CHRNA7: variants seen among roughly 807,000 people sequenced by gnomAD.
CHRNA7 encodes neuronal acetylcholine receptor subunit alpha-7.
Under a neutral mutation model 48.0 loss-of-function variants are expected in CHRNA7, and 17 were observed. That is an observed-to-expected ratio of 0.35 (90% CI 0.24 to 0.53). The LOEUF is 0.53. Among genes scored for constraint, CHRNA7 ranks in the 20% least tolerant of loss-of-function variants. CHRNA7 has a pLI of 0.92. For missense variants in CHRNA7, 155 were observed against 577.7 expected, an observed-to-expected ratio of 0.27 and a Z score of 7.50; for synonymous variants, 75 against 242.3, an observed-to-expected ratio of 0.31 and a Z score of 6.41.
At chr15:32,130,493 T>C (rs978853928) in intron 4 of CHRNA7, among the ~76,000 whole-genome samples, 1 of 151,194 alleles carries the variant, frequency 6.6e-6, no homozygotes, top group African/African-American at 2.4e-5. Flanking sequence ...TAGTTACTCT[T>C]GTGTTTTTTG....
At chr15:32,085,842 T>G (rs545266873) in intron 2 of CHRNA7, among the ~76,000 whole-genome samples, 2 of 152,344 alleles carry the variant, frequency 1.3e-5, no homozygotes, top group South Asian at 4.1e-4. Flanking sequence ...ATAATTACTT[T>G]CCATAATTTG....
chr15:32,150,176 T>A (rs1455842890), intron 4 of CHRNA7, among the ~76,000 whole-genome samples: 1 of 152,152 alleles, frequency 6.6e-6, no homozygotes, highest in Non-Finnish European at 1.5e-5. Context: ...CTCAGCCTCC[T>A]GAGTAGCTGG....
chr15:32,129,923 T>G (rs186836831), intron 4 of CHRNA7, among the ~76,000 whole-genome samples: 18 of 152,102 alleles, frequency 1.2e-4, no homozygotes, highest in Non-Finnish European at 2.2e-4. Flanking sequence ...GTTCAGTGTA[T>G]TTTTTTCCAT....
At chr15:32,044,576 T>C (rs1311467097) in intron 2 of CHRNA7, among the ~76,000 whole-genome samples, 1 of 152,178 alleles carries the variant, frequency 6.6e-6, no homozygotes, top group Non-Finnish European at 1.5e-5. Flanking sequence ...GTGCCCGGCC[T>C]AGATATTTCT....
chr15:32,039,858 A>G (rs138332661), intron 2 of CHRNA7, among the ~76,000 whole-genome samples: 5 of 152,220 alleles, frequency 3.3e-5, no homozygotes, highest in African/African-American at 1.2e-4. Flanking sequence ...AAAGTTTCCA[A>G]CTGTGAAAAT....
chr15:32,061,895 A>G (rs967829571), intron 2 of CHRNA7, among the ~76,000 whole-genome samples: 2 of 152,230 alleles, frequency 1.3e-5, no homozygotes, highest in Non-Finnish European at 2.9e-5. Flanking sequence ...TGAGCTTGGG[A>G]AAGCTACCAC....
At chr15:32,077,034 G>T (rs2050145876) in intron 2 of CHRNA7, among the ~76,000 whole-genome samples, 1 of 152,056 alleles carries the variant, frequency 6.6e-6, no homozygotes, top group South Asian at 2.1e-4. Context: ...TGGTCCCACA[G>T]TTGGGAGCAT....
chr15:32,129,059 G>C (rs1248949794), intron 4 of CHRNA7, among the ~76,000 whole-genome samples: 2 of 151,840 alleles, frequency 1.3e-5, no homozygotes, highest in Non-Finnish European at 3.0e-5. Context: ...AGATTACATT[G>C]ATCAGTTTTC....
chr15:32,051,925 C>T (rs1187146077), intron 2 of CHRNA7, among the ~76,000 whole-genome samples: 1 of 152,176 alleles, frequency 6.6e-6, no homozygotes, highest in Non-Finnish European at 1.5e-5. Flanking sequence ...GATCTGCCCG[C>T]CTTGGCCTCC....
At chr15:32,061,261 G>A (rs1325470193) in intron 2 of CHRNA7, among the ~76,000 whole-genome samples, 7 of 152,124 alleles carry the variant, frequency 4.6e-5, no homozygotes, top group African/African-American at 1.4e-4. Context: ...GGACCTGGGA[G>A]GAAGCCAGGT....
At chr15:32,105,393 ATGGAGGAGGAGT>A (rs2050647663) in intron 3 of CHRNA7, among the ~76,000 whole-genome samples, 1 of 149,618 alleles carries the variant, frequency 6.7e-6, no homozygotes, top group Non-Finnish European at 1.5e-5. Context: ...AGGAGGAAAA[ATGGAGGAGGAGT>A]TGGAGGAGGT....
intron 2 of CHRNA7, among the ~76,000 whole-genome samples, chr15:32,068,853 A>T (rs1343889828): frequency 2.6e-5 from 4 of 152,240 alleles, no homozygotes. Flanking sequence ...CCTCAAATAC[A>T]TGAAGCAAAA....
chr15:32,087,153 T>C (rs2050311414), intron 2 of CHRNA7, among the ~76,000 whole-genome samples: 1 of 152,172 alleles, frequency 6.6e-6, no homozygotes, highest in South Asian at 2.1e-4. Flanking sequence ...CATTTATTTA[T>C]TTAATCATTT....
chr15:32,037,514 A>G (rs1313299176), intron 2 of CHRNA7, among the ~76,000 whole-genome samples: 2 of 152,218 alleles, frequency 1.3e-5, no homozygotes, highest in South Asian at 4.1e-4. Flanking sequence ...AAGAACTGAC[A>G]TATTGACAAT....
chr15:32,139,900 T>C (rs1421422392), intron 4 of CHRNA7, among the ~76,000 whole-genome samples: 1 of 152,156 alleles, frequency 6.6e-6, no homozygotes, highest in Admixed American at 6.6e-5. Context: ...GCATAAAATA[T>C]CATTATGAAC....
chr15:32,138,360 C>CA lies in CHRNA7; in HGVS notation c.351-15540dup, dbSNP rs530858927. ...ATAGACCAAAAAGGGAATAGACTAG[C>CA]AAAAAAACAGACTTTGTTTTTTAAA... On this transcript the variant is annotated intron_variant, in intron 4 of 9. Transcript: ENST00000306901. Among the ~76,000 whole-genome samples the CA allele has an allele frequency of 2.1e-3, 317 of 152,052 alleles. 1 individual carries two copies. Among genetic ancestry groups the CA allele is most frequent in the African/African-American group, 7.2e-3 (300 of 41,442 alleles).
At chr15:32,123,697 C>A (rs1373603443) in intron 4 of CHRNA7, among the ~76,000 whole-genome samples, 1 of 152,100 alleles carries the variant, frequency 6.6e-6, no homozygotes, top group East Asian at 1.9e-4. Context: ...ACCTTCTTAT[C>A]TCCCATTTGC....
chr15:32,143,166 A>C (rs2051416962), intron 4 of CHRNA7, among the ~76,000 whole-genome samples: 1 of 152,030 alleles, frequency 6.6e-6, no homozygotes. Flanking sequence ...TTCTGCCTTC[A>C]TTTCGTTATT....
chr15:32,037,612 T>C (rs1017707819), intron 2 of CHRNA7, among the ~76,000 whole-genome samples: 6 of 152,192 alleles, frequency 3.9e-5, no homozygotes, highest in African/African-American at 1.4e-4. Context: ...GTTTTACTCA[T>C]ATAGATCTTG....
Sources: allele counts gnomAD v4.1 joint callset (sites outside exome capture counted in the v4.1 genomes callset), GRCh38; gene constraint gnomAD v4.1.1; transcripts MANE v1.5; gene names NCBI Gene and HGNC (gene_info 2026-07-23, HGNC 2026-07-21).